The following CNTNAP5 variants were observed in gnomAD, a reference collection of about 807,000 sequenced individuals.
CNTNAP5 encodes the protein contactin associated protein family member 5.
In CNTNAP5, 72 loss-of-function variants were observed where a neutral mutation model predicts 150.2. That is an observed-to-expected ratio of 0.48 (90% CI 0.40 to 0.58). The LOEUF is 0.58. Ranked by LOEUF, CNTNAP5 falls within the 20% of genes least tolerant of loss-of-function variation. The pLI, the probability that CNTNAP5 is intolerant of heterozygous loss-of-function variation, is 0.00. For synonymous variants in CNTNAP5, 672 were observed against 619.8 expected (o/e 1.08, Z -1.25); for missense variants, 1,636 against 1,626.2 (o/e 1.01, Z -0.10).
At chr2:124,387,867 C>G (rs1232083240) in intron 3 of CNTNAP5, among the ~76,000 whole-genome samples, 2 of 152,170 alleles carry the variant, frequency 1.3e-5, no homozygotes, top group Non-Finnish European at 2.9e-5. Flanking sequence ...TTCCACAGCC[C>G]TCCTATCTTA....
At chr2:124,071,049 C>T (rs1682291564) in intron 1 of CNTNAP5, among the ~76,000 whole-genome samples, 1 of 151,806 alleles carries the variant, frequency 6.6e-6, no homozygotes, top group Admixed American at 6.6e-5. Context: ...ATTTTGAAAA[C>T]TATACAAACA....
chr2:124,139,837 A>T (rs546000241), intron 1 of CNTNAP5, among the ~76,000 whole-genome samples: 7 of 152,318 alleles, frequency 4.6e-5, no homozygotes, highest in African/African-American at 2.4e-5. Context: ...AGCGTGAGCG[A>T]CGCAGAAGAC....
chr2:124,876,981 C>A (rs1677873316), intron 21 of CNTNAP5, among the ~76,000 whole-genome samples: 1 of 152,030 alleles, frequency 6.6e-6, no homozygotes, highest in Non-Finnish European at 1.5e-5. Context: ...ATATTTTCTA[C>A]TTTGTAGATA....
At chr2:124,768,178 C>A (rs1681107032) in intron 16 of CNTNAP5, among the ~76,000 whole-genome samples, 1 of 151,896 alleles carries the variant, frequency 6.6e-6, no homozygotes. Flanking sequence ...AGGCAGTTGT[C>A]AGAACTGAAA....
intron 1 of CNTNAP5, among the ~76,000 whole-genome samples, chr2:124,176,773 T>G (rs982395285): frequency 5.9e-5 from 9 of 151,672 alleles, no homozygotes; most frequent in South Asian, 4.2e-4. Flanking sequence ...GGCAGAACTT[T>G]CTCTGGAAGG....
At chr2:124,673,037 A>G (rs1407422914) in intron 13 of CNTNAP5, among the ~76,000 whole-genome samples, 1 of 152,288 alleles carries the variant, frequency 6.6e-6, no homozygotes, top group African/African-American at 2.4e-5. Flanking sequence ...GTAATTGCTA[A>G]CATATATCAA....
intron 13 of CNTNAP5, among the ~76,000 whole-genome samples, chr2:124,738,035 A>G (rs1342622586): frequency 6.6e-6 from 1 of 152,170 alleles, no homozygotes; most frequent in Non-Finnish European, 1.5e-5. Context: ...ATTTATTGCA[A>G]TTCTTAGTTT....
chr2:124,446,930 A>C lies in CNTNAP5; in HGVS notation c.911A>C (p.Asp304Ala). The C allele has an allele frequency of 6.2e-7, 1 of 1,612,778 alleles. No homozygotes were observed. Among genetic ancestry groups the C allele is most frequent in the Non-Finnish European group, 8.5e-7 (1 of 1,179,122 alleles). Residue 304 changes from aspartate (D) to alanine (A), a missense_variant, in exon 6 of 24, where the codon GAC (aspartate) becomes GCC (alanine). Coordinates refer to ENST00000682447, the MANE Select transcript of CNTNAP5 (RefSeq NM_001367498.1). ...GGCGAGACGGATGCCTTAGACATTGACTATGAGGTGAGTTGATCCTCCTTC... is the reference window on the plus strand; with the variant it reads ...GGCGAGACGGATGCCTTAGACATTGCCTATGAGGTGAGTTGATCCTCCTTC... ...TKGETDALDIDYELSFGGIPV... is the reference protein window; with the variant it reads ...TKGETDALDIAYELSFGGIPV...
chr2:124,125,899 G>A (rs1044088864), intron 1 of CNTNAP5, among the ~76,000 whole-genome samples: 1 of 152,120 alleles, frequency 6.6e-6, no homozygotes, highest in Admixed American at 6.5e-5. Context: ...GAATCTCTGG[G>A]ACACATTTAA....
chr2:124,382,081 CAAAT>C (rs1240112718), intron 3 of CNTNAP5, among the ~76,000 whole-genome samples: 2 of 152,054 alleles, frequency 1.3e-5, no homozygotes, highest in African/African-American at 2.4e-5. Context: ...CTTGCATGCC[CAAAT>C]AAATAACCTA....
chr2:124,280,912 C>T (rs1041300374), intron 3 of CNTNAP5, among the ~76,000 whole-genome samples: 4 of 152,116 alleles, frequency 2.6e-5, no homozygotes, highest in African/African-American at 7.2e-5. Flanking sequence ...TGGTTTAGAC[C>T]TTCCCATAAC....
At chr2:124,067,805 G>A (rs1682198663) in intron 1 of CNTNAP5, among the ~76,000 whole-genome samples, 1 of 152,124 alleles carries the variant, frequency 6.6e-6, no homozygotes, top group Non-Finnish European at 1.5e-5. Flanking sequence ...GTTTGCCGAA[G>A]TTAGAACTTG....
At chr2:124,274,274 A>G (rs939572604) in intron 3 of CNTNAP5, among the ~76,000 whole-genome samples, 12 of 152,182 alleles carry the variant, frequency 7.9e-5, no homozygotes, top group African/African-American at 2.9e-4. Flanking sequence ...GCCACCTCCC[A>G]TTTTTAACAT....
chr2:124,032,600 A>T (rs1411698145), intron 1 of CNTNAP5, among the ~76,000 whole-genome samples: 1 of 152,144 alleles, frequency 6.6e-6, no homozygotes, highest in Non-Finnish European at 1.5e-5. Context: ...AATAATGGCC[A>T]AGTAAATTTA....
At chr2:124,264,263 C>T (rs1257046901) in intron 3 of CNTNAP5, among the ~76,000 whole-genome samples, 1 of 151,936 alleles carries the variant, frequency 6.6e-6, no homozygotes, top group African/African-American at 2.4e-5. Flanking sequence ...TTATAAGTAA[C>T]AAGAACAAAT....
intron 1 of CNTNAP5, among the ~76,000 whole-genome samples, chr2:124,092,923 G>T (rs1281230942): frequency 6.6e-6 from 1 of 152,216 alleles, no homozygotes; most frequent in Non-Finnish European, 1.5e-5. Flanking sequence ...AAGATTAGCA[G>T]TAAGTATTGA....
intron 1 of CNTNAP5, among the ~76,000 whole-genome samples, chr2:124,137,378 A>G (rs966095899): frequency 1.3e-5 from 2 of 152,140 alleles, no homozygotes; most frequent in East Asian, 1.9e-4. Flanking sequence ...AAATACAAGG[A>G]AAAAAATCCT....
At chr2:124,600,776 A>G (rs989291199) in intron 11 of CNTNAP5, among the ~76,000 whole-genome samples, 1 of 150,834 alleles carries the variant, frequency 6.6e-6, no homozygotes, top group Non-Finnish European at 1.5e-5. Flanking sequence ...AGAAAGAGAG[A>G]GAAAGAGAGA....
chr2:124,721,307 C>T (rs1680043337), intron 13 of CNTNAP5, among the ~76,000 whole-genome samples: 1 of 151,908 alleles, frequency 6.6e-6, no homozygotes, highest in African/African-American at 2.4e-5. Flanking sequence ...GGTGAAACCC[C>T]ATCTCTCCAA....
Sources: allele counts gnomAD v4.1 joint callset (sites outside exome capture counted in the v4.1 genomes callset), GRCh38; gene constraint gnomAD v4.1.1; transcripts MANE v1.5; gene names NCBI Gene and HGNC (gene_info 2026-07-23, HGNC 2026-07-21).